MGAM2: variants seen among roughly 807,000 people sequenced by gnomAD.
MGAM2 encodes probable maltase-glucoamylase 2.
Under a neutral mutation model 96.1 loss-of-function variants are expected in MGAM2, and 98 were observed. The observed-to-expected ratio is 1.02, with a 90% CI of 0.87 to 1.21. MGAM2 has a LOEUF of 1.21. MGAM2 is among the 50% of genes most tolerant of loss of function. MGAM2 has a pLI of 0.00. For missense variants in MGAM2, 2,055 were observed against 1,182.4 expected (o/e 1.74, Z -10.82); for synonymous variants, 749 against 414.8 (o/e 1.81, Z -9.79).
chr7:142,126,778 T>A (rs937124486), intron 3 of MGAM2, among the ~76,000 whole-genome samples: 1 of 152,180 alleles, frequency 6.6e-6, no homozygotes, highest in Non-Finnish European at 1.5e-5. Flanking sequence ...ATTTCCTTGA[T>A]CTTTCCAAAG....
At position 142,189,496 on chromosome 7, in the gene MGAM2, C is replaced by T; in HGVS notation, c.4337C>T (p.Pro1446Leu). Residue 1446 changes from proline (P) to leucine (L), a missense_variant, in exon 37 of 48, where the codon CCC (proline) becomes CTC (leucine). Pro to Leu is a moderately conservative substitution (Grantham distance 98). Transcript: ENST00000477922. ...CTGTACGGGTGGTCCCAGACCAGAC[C>T]CACATACGAGTGAGTGTCTTTTTGT... ...HNLYGWSQTR[P>L]TYEAVQEVTG... The T allele has an allele frequency of 2.4e-6, 2 of 841,018 alleles. No homozygotes were observed. Among genetic ancestry groups the T allele is most frequent in the East Asian group, 2.7e-5 (1 of 36,826 alleles). The allele number at this position is 841,018 out of a possible 1,614,324, so 52.1% of individuals were successfully genotyped here.
Position 142,142,524 on chromosome 7 carries a change from G to GTTTTTTTTTTTTTT in MGAM2, c.1318-1234_1318-1221dup, listed in dbSNP as rs746342532. On this transcript the variant is annotated intron_variant, in intron 12 of 47. Transcript: ENST00000477922. ...GTAGTGGAGGTGCATAGTGGTGTGT[G>GTTTTTTTTTTTTTT]TTTTTTTTTTTTTTTTTTTTTTTTG... Among the ~76,000 whole-genome samples, 12 of 78,908 alleles carry GTTTTTTTTTTTTTT rather than the reference G, an allele frequency of 1.5e-4. 2 individuals carry two copies. The highest frequency in any genetic ancestry group is 2.1e-4 in the Non-Finnish European group (9 of 42,052). 51.8% of individuals were successfully genotyped at this position (78,908 alleles called of 152,430 possible).
chr7:142,176,881 T>C (rs541498112), intron 32 of MGAM2, among the ~76,000 whole-genome samples: 1 of 152,328 alleles, frequency 6.6e-6, no homozygotes, highest in East Asian at 1.9e-4. Context: ...ATTCTTTTTC[T>C]TCTCAACTGT....
Position 142,147,522 on chromosome 7 carries a change from A to C in MGAM2, c.1583A>C (p.His528Pro), listed in dbSNP as rs1795423093. 2.8e-6 allele frequency: 2 copies of C among 702,846 alleles called. No homozygotes were observed. The highest frequency in any genetic ancestry group is 1.7e-5 in the African/African-American group (1 of 57,266). 43.5% of individuals were successfully genotyped at this position (702,846 alleles called of 1,614,324 possible). ...GACACGGAGTTTCATGGGGGCCTTC[A>C]TTATGACATCCACAGCTTGTATGGC... Reference protein sequence around the residue: ...CMDTEFHGGLHYDIHSLYGHS... With the variant: ...CMDTEFHGGLPYDIHSLYGHS... Residue 528 changes from histidine (H) to proline (P), a missense_variant, in exon 15 of 48, where the codon CAT becomes CCT. Physicochemically the swap from His to Pro is moderately conservative, Grantham distance 77. Coordinates refer to ENST00000477922, the MANE Select transcript of MGAM2 (RefSeq NM_001293626.2).
At chr7:142,118,335 T>C (rs901765159) in intron 2 of MGAM2, among the ~76,000 whole-genome samples, 3 of 152,208 alleles carry the variant, frequency 2.0e-5, no homozygotes, top group Non-Finnish European at 4.4e-5. Flanking sequence ...TGTTGCATAT[T>C]GCAGGAATCC....
intron 7 of MGAM2, among the ~76,000 whole-genome samples, chr7:142,135,801 C>T (rs551288674): frequency 6.6e-6 from 1 of 151,572 alleles, no homozygotes; most frequent in South Asian, 2.1e-4. Context: ...TCACAGATTT[C>T]AATATTTTTT....
chr7:142,157,029 C>G (rs1795755147), intron 17 of MGAM2, among the ~76,000 whole-genome samples: 1 of 151,926 alleles, frequency 6.6e-6, no homozygotes, highest in Middle Eastern at 3.2e-3. Flanking sequence ...CAATGTATGT[C>G]AAAGAACAAA....
In MGAM2 at chr7:142,185,848, G is replaced by A. The variant is rs1158384129; in HGVS notation, c.3988-141G>A. 1.9e-5 allele frequency: 10 copies of A among 535,844 alleles called. No individual in the cohort carries two copies. In the African/African-American group the frequency reaches 1.9e-4, roughly 10 times the overall value. 33.2% of individuals were successfully genotyped at this position (535,844 alleles called of 1,614,324 possible). ...TCAGCCTTCCCCAATCTCTGCTTCTGTTGTAAACTCTGCAACAGCAGCAGA... is the reference window on the plus strand; with the variant it reads ...TCAGCCTTCCCCAATCTCTGCTTCTATTGTAAACTCTGCAACAGCAGCAGA... On this transcript the variant is annotated intron_variant, in intron 34 of 47. Transcript: ENST00000477922.
intron 15 of MGAM2, among the ~76,000 whole-genome samples, chr7:142,151,098 T>C (rs1017721640): frequency 6.6e-6 from 1 of 152,224 alleles, no homozygotes. Context: ...AAATTTTAGA[T>C]GCTAATTTTC....
At chr7:142,152,377 A>G (rs1356409915) in intron 15 of MGAM2, among the ~76,000 whole-genome samples, 1 of 152,238 alleles carries the variant, frequency 6.6e-6, no homozygotes, top group Non-Finnish European at 1.5e-5. Context: ...GCCAGTCTAC[A>G]TTAAAGTAGA....
intron 34 of MGAM2, among the ~76,000 whole-genome samples, 174 bp downstream of exon 34, chr7:142,185,313 A>C (rs1303022229): frequency 6.6e-6 from 1 of 152,216 alleles, no homozygotes; most frequent in African/African-American, 2.4e-5. Flanking sequence ...CTCAACAAAC[A>C]GCGAACATGG....
chr7:142,215,635 G>C (rs1379535836), intron 46 of MGAM2, among the ~76,000 whole-genome samples: 1 of 151,638 alleles, frequency 6.6e-6, no homozygotes, highest in African/African-American at 2.4e-5. Context: ...GCGCATGCCT[G>C]TAATCCCCAC....
At chr7:142,189,617 T>C (rs1032289861) in intron 37 of MGAM2, 112 bp downstream of exon 37, 3 of 488,224 alleles carry the variant, frequency 6.1e-6, no homozygotes, top group Non-Finnish European at 1.1e-5. Context: ...TGGGTTAAAG[T>C]CAAAATTTCA....
At position 142,154,752 on chromosome 7, in the gene MGAM2, T is replaced by C; in HGVS notation, c.1830T>C (p.Tyr610=). ...IPMVGANICG[Y]NNNVTEELCR... The stretch of plus-strand genomic sequence containing the variant: ...AGGTAGGTGCCAACATCTGTGGTTA[T>C]AACAACAATGTCACAGAGGAGCTCT... The change falls in exon 17 of 48, where the codon TAT becomes TAC. Residue 610 remains tyrosine, a synonymous_variant. Coordinates refer to ENST00000477922, the MANE Select transcript of MGAM2 (RefSeq NM_001293626.2). The C allele has an allele frequency of 1.4e-6, 1 of 703,310 alleles. No homozygotes were observed. The highest frequency in any genetic ancestry group is 2.6e-6 in the Non-Finnish European group (1 of 385,026). 43.6% of individuals were successfully genotyped at this position (703,310 alleles called of 1,614,324 possible).
chr7:142,153,719 G>T (rs1437499571), intron 15 of MGAM2, among the ~76,000 whole-genome samples: 1 of 152,146 alleles, frequency 6.6e-6, no homozygotes, highest in African/African-American at 2.4e-5. Flanking sequence ...TTGACCAAAA[G>T]GACCAGACCA....
intron 46 of MGAM2, among the ~76,000 whole-genome samples, chr7:142,210,539 G>C (rs1051554854): frequency 1.3e-5 from 2 of 152,148 alleles, no homozygotes. Flanking sequence ...TTGAGTAGGC[G>C]GTTTTCCCCT....
chr7:142,114,159 A>AAAGG (rs1817286564), intron 1 of MGAM2, among the ~76,000 whole-genome samples: 2 of 93,372 alleles, frequency 2.1e-5, no homozygotes, highest in Non-Finnish European at 3.8e-5. Flanking sequence ...AGAAGGAAAG[A>AAAGG]AAGAAAGAAA....
chr7:142,144,998 C>T lies in MGAM2; in HGVS notation c.1516+53C>T, dbSNP rs1261736346. 5.7e-6 allele frequency: 4 copies of T among 698,446 alleles called. No homozygotes were observed. The African/African-American group carries it at 7.0e-5, about 12-fold the overall frequency. 43.3% of individuals were successfully genotyped at this position (698,446 alleles called of 1,614,324 possible). ...TAGGAATAAGCCATGTTTAAAACAC[C>T]CTCAGTAATACTCAGTGTGGTCGGG... On this transcript the variant is annotated intron_variant, in intron 14 of 47. Transcript: ENST00000477922.
At chr7:142,198,550 T>C in intron 43 of MGAM2, 65 bp from the exon 44 acceptor site, 1 of 663,694 alleles carries the variant, frequency 1.5e-6, no homozygotes, top group Non-Finnish European at 2.8e-6. Flanking sequence ...GGACTTGTAA[T>C]TAAAACATGC....
Sources: allele counts gnomAD v4.1 joint callset (sites outside exome capture counted in the v4.1 genomes callset), GRCh38; gene constraint gnomAD v4.1.1; transcripts MANE v1.5; gene names NCBI Gene and HGNC (gene_info 2026-07-23, HGNC 2026-07-21).